The following PCDH10 variants were observed in gnomAD, a reference collection of about 807,000 sequenced individuals.
PCDH10 encodes protocadherin 10, also known as protocadherin-10.
PCDH10 carries 15 observed loss-of-function variants against 74.4 expected under a neutral mutation model. The observed-to-expected ratio is 0.20, with a 90% confidence interval of 0.13 to 0.31. The LOEUF (loss-of-function observed/expected upper bound fraction) is 0.31. PCDH10 is among the 10% of genes least tolerant of loss of function. The pLI, the probability that PCDH10 is intolerant of heterozygous loss-of-function variation, is 1.00. For synonymous variants in PCDH10, 619 were observed against 589.8 expected (o/e 1.05, Z -0.72); for missense variants, 1,260 against 1,390.2 (o/e 0.91, Z 1.49).
At chr4:133,163,795 G>T (rs1358274151) in intron 4 of PCDH10, 1 of 371,254 alleles carries the variant, frequency 2.7e-6, no homozygotes, top group Non-Finnish European at 5.2e-6. Context: ...GAACTTATAA[G>T]CTAGAACGAA....
rs368210175 is a variant in PCDH10, at chr4:133,155,009, G to A, written c.2783G>A (p.Arg928His). 3.1e-6 allele frequency: 5 copies of A among 1,608,272 alleles called. No individual in the cohort carries two copies. Among genetic ancestry groups the A allele is most frequent in the Middle Eastern group, 1.6e-4 (1 of 6,072 alleles). ...GATAGTGATCATGATGCCACCAACCGTGCCCAGTCAGCTGGTAAGTGTGAT... is the reference window on the plus strand; with the variant it reads ...GATAGTGATCATGATGCCACCAACCATGCCCAGTCAGCTGGTAAGTGTGAT... ...QGDSDHDATN[R>H]AQSAGMDLFS... Residue 928 changes from arginine to histidine, a missense_variant, in exon 3 of 5, where the codon CGT becomes CAT. Around this residue, in one of 11 missense-constraint regions of PCDH10, gnomAD observed 136 missense variants for 149.3 expected, o/e 0.91. Transcript: ENST00000264360.
At chr4:133,189,852 T>C (rs896741454) in intron 4 of PCDH10, among the ~76,000 whole-genome samples, 4 of 152,126 alleles carry the variant, frequency 2.6e-5, no homozygotes, top group Admixed American at 2.6e-4. Flanking sequence ...AGGGATTGTT[T>C]TATGTAGATA....
downstream of PCDH10, among the ~76,000 whole-genome samples, chr4:133,199,324 ATAAT>A (rs1553943470): frequency 1.4e-5 from 2 of 140,060 alleles, no homozygotes; most frequent in African/African-American, 2.6e-5. Flanking sequence ...AATAATAATA[ATAAT>A]TAATTAAATA....
intron 4 of PCDH10, among the ~76,000 whole-genome samples, chr4:133,184,453 T>C (rs549906749): frequency 6.6e-6 from 1 of 151,618 alleles, no homozygotes; most frequent in South Asian, 2.1e-4. Context: ...TGAAACCCCA[T>C]CTGTACTAAA....
At chr4:133,161,685 T>A (rs2125862630) in intron 3 of PCDH10, among the ~76,000 whole-genome samples, 1 of 151,930 alleles carries the variant, frequency 6.6e-6, no homozygotes, top group African/African-American at 2.4e-5. Context: ...AATAATATAC[T>A]TTTGTTTTTC....
intron 4 of PCDH10, among the ~76,000 whole-genome samples, chr4:133,174,784 T>C (rs545885997): frequency 6.6e-5 from 10 of 151,814 alleles, no homozygotes; most frequent in Non-Finnish European, 1.2e-4. Flanking sequence ...AGTTATATTA[T>C]GGAGTGATGT....
intron 4 of PCDH10, among the ~76,000 whole-genome samples, chr4:133,166,189 T>G (rs1220065761): frequency 2.6e-5 from 4 of 151,572 alleles, no homozygotes; most frequent in Non-Finnish European, 5.9e-5. Flanking sequence ...GTAAATAAAT[T>G]TAAACAGGTA....
At chr4:133,184,298 G>C (rs1370597501) in intron 4 of PCDH10, among the ~76,000 whole-genome samples, 1 of 152,030 alleles carries the variant, frequency 6.6e-6, no homozygotes, top group African/African-American at 2.4e-5. Context: ...ATTTAGTCTA[G>C]GAGAGTATGA....
chr4:133,207,392 C>T (rs1242016832), intron 2 of PCDH10, among the ~76,000 whole-genome samples: 2 of 152,118 alleles, frequency 1.3e-5, no homozygotes, highest in Non-Finnish European at 2.9e-5. Context: ...AGAAACTAGG[C>T]CATTTGGGCA....
At chr4:133,169,543 C>A (rs1727159674) in intron 4 of PCDH10, among the ~76,000 whole-genome samples, 1 of 151,744 alleles carries the variant, frequency 6.6e-6, no homozygotes, top group South Asian at 2.1e-4. Context: ...TCGTTTTCAT[C>A]CTCTTTCTTA....
chr4:133,172,751 A>C (rs1358382786), intron 4 of PCDH10, among the ~76,000 whole-genome samples: 1 of 152,020 alleles, frequency 6.6e-6, no homozygotes. Flanking sequence ...TTCCTTGATA[A>C]TATAGGGAAA....
chr4:133,196,163 C>A (rs889280800), downstream of PCDH10, among the ~76,000 whole-genome samples: 1 of 152,160 alleles, frequency 6.6e-6, no homozygotes, highest in African/African-American at 2.4e-5. Flanking sequence ...GCCAATTTAT[C>A]AAGACAGGGG....
chr4:133,190,060 C>G, intron 4 of PCDH10, 81 bp from the exon 5 acceptor site: 1 of 1,218,040 alleles, frequency 8.2e-7, no homozygotes, highest in African/African-American at 1.5e-5. Flanking sequence ...TAACTGTATT[C>G]TTTCTTTTAC....
intron 2 of PCDH10, 75 bp downstream of exon 2, chr4:133,154,440 C>A: frequency 3.8e-6 from 3 of 783,826 alleles, no homozygotes; most frequent in South Asian, 1.9e-5. Context: ...GTATATTATT[C>A]TAAATTAAAA....
chr4:133,184,024 A>T (rs1727474599), intron 4 of PCDH10, among the ~76,000 whole-genome samples: 1 of 152,166 alleles, frequency 6.6e-6, no homozygotes, highest in South Asian at 2.1e-4. Context: ...TGTTGTAAGT[A>T]TTCAATATAC....
At position 133,151,727 on chromosome 4, in the gene PCDH10, C is replaced by G; in HGVS notation, c.1587C>G (p.Arg529=). ...AGAACGGCTACTTGTACGCCCTGCG[C>G]TCCTTCGACTATGAGCAGCTGAAGG... ...NSENGYLYAL[R]SFDYEQLKDF... The change falls in exon 1 of 5, where the codon CGC becomes CGG. Residue 529 remains arginine, a synonymous_variant. Coordinates refer to ENST00000264360, the MANE Select transcript of PCDH10 (RefSeq NM_032961.3). The G allele has an allele frequency of 1.2e-6, 2 of 1,613,188 alleles. No individual in the cohort carries two copies. Among genetic ancestry groups the G allele is most frequent in the Non-Finnish European group, 1.7e-6 (2 of 1,180,048 alleles).
intron 3 of PCDH10, among the ~76,000 whole-genome samples, chr4:133,157,336 T>G (rs1726887944): frequency 6.6e-6 from 1 of 152,186 alleles, no homozygotes; most frequent in Non-Finnish European, 1.5e-5. Context: ...TTAAAGACTT[T>G]TTTCAATCCA....
intron 3 of PCDH10, among the ~76,000 whole-genome samples, chr4:133,160,861 A>T (rs1342277554): frequency 6.6e-6 from 1 of 151,904 alleles, no homozygotes; most frequent in African/African-American, 2.4e-5. Context: ...GCTCATAATA[A>T]TTTTACTCTT....
chr4:133,203,719 T>G (rs1727948424), intron 2 of PCDH10, among the ~76,000 whole-genome samples: 1 of 152,232 alleles, frequency 6.6e-6, no homozygotes, highest in East Asian at 1.9e-4. Context: ...ATGTAAAGTT[T>G]AATAGTTACA....
Sources: allele counts gnomAD v4.1 joint callset (sites outside exome capture counted in the v4.1 genomes callset), GRCh38; gene constraint gnomAD v4.1.1; regional missense constraint gnomAD v4.1.1; transcripts MANE v1.5; gene names NCBI Gene and HGNC (gene_info 2026-07-23, HGNC 2026-07-21).